Variants in FMN1 observed in about 807,000 individuals in gnomAD.
FMN1 encodes formin 1.
Under a neutral mutation model 132.4 loss-of-function variants are expected in FMN1, and 110 were observed. That is an observed-to-expected ratio of 0.83 (90% CI 0.71 to 0.97). The LOEUF (loss-of-function observed/expected upper bound fraction) is 0.97, where lower values mean the gene tolerates loss of function less well. Ranked by LOEUF, FMN1 falls within the 50% of genes least tolerant of loss-of-function variation. The probability of loss-of-function intolerance (pLI) is 0.00; values close to 1 mark genes in which losing one functional copy is unlikely to be tolerated. For missense variants in FMN1, 1,792 were observed against 1,705.3 expected, an observed-to-expected ratio of 1.05 and a Z score of -0.90; for synonymous variants, 722 against 651.7, an observed-to-expected ratio of 1.11 and a Z score of -1.64.
chr15:32,906,567 G>C (rs1277810121), intron 12 of FMN1, among the ~76,000 whole-genome samples: 2 of 152,176 alleles, frequency 1.3e-5, no homozygotes, highest in African/African-American at 4.8e-5. Context: ...GCTTAGAGGA[G>C]AATATTACTG....
chr15:33,067,461 C>T lies in FMN1; in HGVS notation c.2044-2387G>A, dbSNP rs920482852. The T allele has an allele frequency of 6.8e-6, 11 of 1,614,016 alleles. No homozygotes were observed. In the East Asian group the frequency reaches 1.6e-4, roughly 23 times the overall value. On this transcript the variant is annotated intron_variant, in intron 5 of 20. Coordinates refer to ENST00000616417, the MANE Select transcript of FMN1 (RefSeq NM_001277313.2). Reference sequence around the variant, plus strand: ...GAGTCAGAATCACTGGTGGTGTGCACCAGGGTCCCACGAACACAAATGACA... The same window carrying T: ...GAGTCAGAATCACTGGTGGTGTGCATCAGGGTCCCACGAACACAAATGACA...
At chr15:32,841,807 T>C (rs920866191) in intron 17 of FMN1, among the ~76,000 whole-genome samples, 6 of 152,198 alleles carry the variant, frequency 3.9e-5, no homozygotes, top group South Asian at 2.1e-4. Context: ...AGAACAGATA[T>C]GTATTTTGCT....
chr15:32,975,105 G>A (rs2032098519), intron 7 of FMN1, among the ~76,000 whole-genome samples: 1 of 152,082 alleles, frequency 6.6e-6, no homozygotes, highest in Non-Finnish European at 1.5e-5. Context: ...ATTTTCGCCT[G>A]GTGAAAGCCC....
rs117483755 is a variant in FMN1 at position 33,022,282 on chromosome 15, T to C, written c.2162-14207A>G. On this transcript the variant is annotated intron_variant, in intron 6 of 20. Transcript: ENST00000616417. ...AGAATCCGAGAATACAGATGGTCAA[T>C]TGTACTTCATACTGAAACTCGAAGT... Among the ~76,000 whole-genome samples the C allele has an allele frequency of 4.2e-3, 643 of 152,326 alleles. 6 individuals are homozygous for C. The highest frequency in any genetic ancestry group is 5.0e-3 in the Non-Finnish European group (337 of 68,032).
chr15:33,172,072 G>A (rs1266394097), intron 3 of FMN1, among the ~76,000 whole-genome samples: 2 of 152,106 alleles, frequency 1.3e-5, no homozygotes, highest in Non-Finnish European at 2.9e-5. Flanking sequence ...GCCGGGCGTG[G>A]TGGCGGGCGC....
chr15:32,782,339 T>G (rs976997460), intron 19 of FMN1, among the ~76,000 whole-genome samples: 5 of 152,212 alleles, frequency 3.3e-5, no homozygotes, highest in Non-Finnish European at 5.9e-5. Flanking sequence ...AATTTAAATG[T>G]TTAGTAAATA....
At chr15:32,995,301 A>C (rs1465342982) in intron 7 of FMN1, among the ~76,000 whole-genome samples, 1 of 152,166 alleles carries the variant, frequency 6.6e-6, no homozygotes. Flanking sequence ...CTTGGAAAGA[A>C]TCTTAGTTGA....
chr15:33,037,695 T>C (rs1249607460), intron 6 of FMN1, among the ~76,000 whole-genome samples: 3 of 152,250 alleles, frequency 2.0e-5, no homozygotes, highest in Non-Finnish European at 4.4e-5. Flanking sequence ...ATGTCAGCTG[T>C]AATCATGCAC....
At chr15:32,872,675 A>G (rs1009994764) in intron 16 of FMN1, among the ~76,000 whole-genome samples, 11 of 152,224 alleles carry the variant, frequency 7.2e-5, no homozygotes, top group African/African-American at 2.7e-4. Flanking sequence ...GTCCCCTTCC[A>G]GCAGTGCAAC....
chr15:32,812,313 ATAT>A (rs2057909907), intron 17 of FMN1, among the ~76,000 whole-genome samples: 1 of 152,172 alleles, frequency 6.6e-6, no homozygotes, highest in African/African-American at 2.4e-5. Context: ...GTGACTTATA[ATAT>A]TAAGTCATTT....
At chr15:33,002,812 C>A (rs1194158326) in intron 7 of FMN1, among the ~76,000 whole-genome samples, 3 of 152,178 alleles carry the variant, frequency 2.0e-5, no homozygotes, top group African/African-American at 7.2e-5. Context: ...TGAAACACTT[C>A]TTTGGGTCAG....
chr15:32,904,823 T>C (rs1223262592), intron 12 of FMN1, among the ~76,000 whole-genome samples: 1 of 152,210 alleles, frequency 6.6e-6, no homozygotes, highest in Non-Finnish European at 1.5e-5. Context: ...TATGGGTTAC[T>C]TTGAAGGCTG....
intron 6 of FMN1, among the ~76,000 whole-genome samples, chr15:33,029,972 A>G (rs2035858492): frequency 6.6e-6 from 1 of 152,220 alleles, no homozygotes; most frequent in Non-Finnish European, 1.5e-5. Context: ...CCTGGCTAAC[A>G]GGGTGAAACC....
intron 4 of FMN1, among the ~76,000 whole-genome samples, chr15:33,089,177 C>T (rs2038815269): frequency 6.6e-6 from 1 of 152,164 alleles, no homozygotes; most frequent in African/African-American, 2.4e-5. Flanking sequence ...TTACAACATA[C>T]GCCCTCATCC....
At position 33,103,506 on chromosome 15, in the gene FMN1, G is replaced by A. The variant is rs191582239; in HGVS notation, c.1868-14532C>T. On this transcript the variant is annotated intron_variant, in intron 4 of 20. Transcript: ENST00000616417. ...AATTAGACCCTGTAGAGGGCAAAAA[G>A]GTAGAATGAGACAGAGCTCCATTTC... Among the ~76,000 whole-genome samples, 627 of 152,224 alleles carry A rather than the reference G, an allele frequency of 4.1e-3. 8 individuals are homozygous for A. The highest frequency in any genetic ancestry group is 5.4e-3 in the Non-Finnish European group (365 of 67,996).
At chr15:33,023,333 GC>G (rs2035513233) in intron 6 of FMN1, among the ~76,000 whole-genome samples, 1 of 151,684 alleles carries the variant, frequency 6.6e-6, no homozygotes, top group Non-Finnish European at 1.5e-5. Flanking sequence ...AGAAACCTAA[GC>G]ATCGAGATAG....
intron 4 of FMN1, chr15:33,105,792 A>G (rs542868474): frequency 2.7e-5 from 4 of 148,228 alleles, no homozygotes; most frequent in African/African-American, 7.3e-5. Context: ...AAGGTTATAA[A>G]ATGTTGTAAT....
At chr15:32,969,825 T>C (rs961737241) in intron 7 of FMN1, among the ~76,000 whole-genome samples, 6 of 152,200 alleles carry the variant, frequency 3.9e-5, no homozygotes, top group Middle Eastern at 3.2e-3. Context: ...TGAATATCTA[T>C]CTGTTTTACA....
chr15:33,132,552 G>A (rs950404135), intron 4 of FMN1, among the ~76,000 whole-genome samples: 3 of 152,258 alleles, frequency 2.0e-5, no homozygotes, highest in Admixed American at 1.3e-4. Context: ...GTGCCAGGTC[G>A]TTTGCAGTAT....
Sources: allele counts gnomAD v4.1 joint callset (sites outside exome capture counted in the v4.1 genomes callset), GRCh38; gene constraint gnomAD v4.1.1; transcripts MANE v1.5; gene names NCBI Gene and HGNC (gene_info 2026-07-23, HGNC 2026-07-21).